ERBB4: variants seen among roughly 807,000 people sequenced by gnomAD.
The protein encoded by ERBB4 is receptor tyrosine-protein kinase erbB-4.
Under a neutral mutation model 158.0 loss-of-function variants are expected in ERBB4, and 42 were observed. The observed-to-expected ratio is 0.27, with a 90% CI of 0.21 to 0.34. ERBB4 has a LOEUF of 0.34. Ranked by LOEUF, ERBB4 falls within the 10% of genes least tolerant of loss-of-function variation. The pLI, the probability that ERBB4 is intolerant of heterozygous loss-of-function variation, is 1.00. For synonymous variants in ERBB4, 583 were observed against 558.7 expected (o/e 1.04, Z -0.61); for missense variants, 1,333 against 1,624.1 (o/e 0.82, Z 3.08).
intron 1 of ERBB4, among the ~76,000 whole-genome samples, chr2:212,321,609 C>T (rs1312489184): frequency 6.6e-6 from 1 of 150,480 alleles, no homozygotes; most frequent in Admixed American, 6.6e-5. Flanking sequence ...AGATCACTTG[C>T]ACCAAGGTGT....
At chr2:212,086,220 C>T (rs1575612183) in intron 2 of ERBB4, among the ~76,000 whole-genome samples, 2 of 151,638 alleles carry the variant, frequency 1.3e-5, no homozygotes, top group East Asian at 1.9e-4. Flanking sequence ...TTATGTGGGC[C>T]AGAAAAGCAA....
intron 1 of ERBB4, among the ~76,000 whole-genome samples, chr2:212,140,093 T>C (rs1041595676): frequency 2.0e-5 from 3 of 151,760 alleles, no homozygotes; most frequent in South Asian, 2.1e-4. Context: ...ATAATGACTA[T>C]AGAATCTGGT....
intron 20 of ERBB4, among the ~76,000 whole-genome samples, chr2:211,531,384 C>T (rs1433469652): frequency 6.6e-6 from 1 of 151,988 alleles, no homozygotes; most frequent in African/African-American, 2.4e-5. Context: ...AGACAACCCA[C>T]AGAATGGGAG....
intron 2 of ERBB4, among the ~76,000 whole-genome samples, chr2:212,099,184 T>TAAATA (rs762839924): frequency 2.3e-5 from 3 of 131,670 alleles, no homozygotes; most frequent in African/African-American, 8.2e-5. Flanking sequence ...AATAAATAAA[T>TAAATA]AATAAATAAT....
chr2:212,255,268 G>T, intron 1 of ERBB4, among the ~76,000 whole-genome samples: 1 of 152,058 alleles, frequency 6.6e-6, no homozygotes, highest in East Asian at 1.9e-4. Flanking sequence ...AAATATATGT[G>T]TGTATATATG....
chr2:211,452,677 A>G (rs983346917), intron 20 of ERBB4, among the ~76,000 whole-genome samples: 5 of 152,176 alleles, frequency 3.3e-5, no homozygotes, highest in African/African-American at 1.2e-4. Context: ...AATAATATTG[A>G]TATATAAATA....
chr2:212,458,912 G>A (rs184092261), intron 1 of ERBB4, among the ~76,000 whole-genome samples: 33 of 152,320 alleles, frequency 2.2e-4, no homozygotes, highest in African/African-American at 6.0e-4. Context: ...TGGACCCATT[G>A]TGTAGCACAG....
intron 14 of ERBB4, among the ~76,000 whole-genome samples, chr2:211,668,409 C>A (rs557063707): frequency 6.6e-6 from 1 of 152,230 alleles, no homozygotes; most frequent in South Asian, 2.1e-4. Context: ...AATGTTTACT[C>A]TTCTTTCATT....
intron 1 of ERBB4, among the ~76,000 whole-genome samples, chr2:212,360,406 T>A (rs536723434): frequency 6.6e-6 from 1 of 151,764 alleles, no homozygotes; most frequent in South Asian, 2.1e-4. Context: ...GCTAGCCCCA[T>A]CTCTACAGGT....
chr2:212,210,965 C>A (rs1341811746), intron 1 of ERBB4, among the ~76,000 whole-genome samples: 1 of 152,088 alleles, frequency 6.6e-6, no homozygotes, highest in Non-Finnish European at 1.5e-5. Context: ...ATCTCCTCTG[C>A]CTTTGCATTT....
intron 1 of ERBB4, among the ~76,000 whole-genome samples, chr2:212,316,524 G>C (rs1268814004): frequency 6.6e-6 from 1 of 151,494 alleles, no homozygotes; most frequent in East Asian, 2.0e-4. Flanking sequence ...CGCTAAGTAA[G>C]CTTTCAGGTG....
At chr2:212,337,222 C>T (rs945592584) in intron 1 of ERBB4, among the ~76,000 whole-genome samples, 2 of 152,062 alleles carry the variant, frequency 1.3e-5, no homozygotes, top group South Asian at 2.1e-4. Flanking sequence ...TTCCCTAAGG[C>T]ATTCTTCCTT....
chr2:212,277,190 C>T (rs963160752), intron 1 of ERBB4, among the ~76,000 whole-genome samples: 1 of 151,688 alleles, frequency 6.6e-6, no homozygotes, highest in African/African-American at 2.4e-5. Flanking sequence ...CTGCGATACA[C>T]ATTGACTGAA....
At chr2:211,552,724 A>G (rs1490850977) in intron 20 of ERBB4, among the ~76,000 whole-genome samples, 1 of 152,206 alleles carries the variant, frequency 6.6e-6, no homozygotes, top group Non-Finnish European at 1.5e-5. Flanking sequence ...CTTTACAAAT[A>G]CAGCACCAGT....
In ERBB4 at chr2:211,382,755, G is replaced by A. The variant is rs143813757; in HGVS notation, c.*860C>T. 2.6e-3 allele frequency: 598 copies of A among 232,682 alleles called. 4 individuals carry two copies. Among genetic ancestry groups the A allele is most frequent in the African/African-American group, 0.012 (550 of 45,426 alleles). 14.4% of individuals were successfully genotyped at this position (232,682 alleles called of 1,614,324 possible). On this transcript the variant is annotated 3_prime_UTR_variant, in exon 28 of 28. Transcript: ENST00000342788. ...AAATGTTGAAAAATGTAAAGGATGA[G>A]GGTGAAGATAATTTGATAGCATGAA...
chr2:212,497,578 AG>A (rs1690651003), intron 1 of ERBB4, among the ~76,000 whole-genome samples: 3 of 152,192 alleles, frequency 2.0e-5, no homozygotes, highest in African/African-American at 7.2e-5. Flanking sequence ...ATGAAGGTCT[AG>A]AAAGCCAACC....
chr2:211,871,655 A>G (rs1490756505), intron 3 of ERBB4, among the ~76,000 whole-genome samples: 2 of 152,196 alleles, frequency 1.3e-5, no homozygotes, highest in East Asian at 1.9e-4. Context: ...TTCAAATCTT[A>G]TATCAAAAGT....
intron 3 of ERBB4, among the ~76,000 whole-genome samples, chr2:211,808,620 T>C (rs2076675118): frequency 6.6e-6 from 1 of 152,214 alleles, no homozygotes; most frequent in Non-Finnish European, 1.5e-5. Context: ...GGCTCTTTTT[T>C]GGTTCCTTAT....
chr2:211,529,763 T>A (rs899806232), intron 20 of ERBB4, among the ~76,000 whole-genome samples: 1 of 152,150 alleles, frequency 6.6e-6, no homozygotes, highest in Non-Finnish European at 1.5e-5. Context: ...ATCATTTCAA[T>A]TGAAGCTAAA....
Sources: gnomAD v4.1 joint callset for allele counts (sites outside exome capture counted in the v4.1 genomes callset) on GRCh38, gnomAD v4.1.1 for gene constraint, MANE v1.5 for transcripts, NCBI Gene and HGNC (gene_info 2026-07-23, HGNC 2026-07-21) for gene names.